The following SCGB2B2 variants were observed in gnomAD, a reference collection of about 807,000 sequenced individuals.
SCGB2B2 encodes the protein secretoglobin-like protein.
Under a neutral mutation model 7.6 loss-of-function variants are expected in SCGB2B2, and 11 were observed. The ratio of observed to expected loss-of-function variants is 1.45; its 90% CI spans 0.91 to 2.40. The LOEUF (loss-of-function observed/expected upper bound fraction) is 2.40, where lower values mean the gene tolerates loss of function less well. Among genes scored for constraint, SCGB2B2 ranks in the 30% most tolerant of loss-of-function variants. The pLI, the probability that SCGB2B2 is intolerant of heterozygous loss-of-function variation, is 0.00. For missense variants in SCGB2B2, 104 were observed against 115.4 expected (o/e 0.90, Z 0.45); for synonymous variants, 50 against 48.6 (o/e 1.03, Z -0.12).
chr19:34,657,862 C>T (rs1220977769), intron 1 of SCGB2B2, among the ~76,000 whole-genome samples: 1 of 152,184 alleles, frequency 6.6e-6, no homozygotes, highest in Non-Finnish European at 1.5e-5. Flanking sequence ...CACTCCTCAG[C>T]AAAGGTAAAA....
chr19:34,621,120 A>T (rs1216506348), intron 1 of SCGB2B2, among the ~76,000 whole-genome samples: 1 of 152,222 alleles, frequency 6.6e-6, no homozygotes, highest in East Asian at 1.9e-4. Context: ...CCTTCAAAAA[A>T]TATTTTATCT....
chr19:34,610,782 T>TTTC (rs58354521), intron 1 of SCGB2B2, among the ~76,000 whole-genome samples: 1 of 151,448 alleles, frequency 6.6e-6, no homozygotes, highest in Non-Finnish European at 1.5e-5. Context: ...TTTTTTTTTT[T>TTTC]CTGTATGCGT....
intron 1 of SCGB2B2, among the ~76,000 whole-genome samples, chr19:34,664,937 T>G (rs985809506): frequency 2.0e-5 from 3 of 146,884 alleles, no homozygotes; most frequent in Non-Finnish European, 3.0e-5. Flanking sequence ...ATCCTGCAAA[T>G]GCCCTGACCC....
rs904009489 is a variant in SCGB2B2, at chr19:34,592,649, G to C, written c.*906C>G. On this transcript the variant is annotated 3_prime_UTR_variant, in exon 4 of 4. Coordinates refer to ENST00000601241, the MANE Select transcript of SCGB2B2 (RefSeq NM_001025591.4). Reference sequence around the variant, plus strand: ...TCATCAGTGTATTGAAGGCCACTGAGACCTCCATCGAGGATGAAATCAACT... The same window carrying C: ...TCATCAGTGTATTGAAGGCCACTGACACCTCCATCGAGGATGAAATCAACT... Among the ~76,000 whole-genome samples, 1 of 152,178 alleles carries C rather than the reference G, an allele frequency of 6.6e-6. No individual in the cohort carries two copies. Among genetic ancestry groups the C allele is most frequent in the Non-Finnish European group, 1.5e-5 (1 of 68,022 alleles).
At chr19:34,621,508 C>A (rs1484822655) in intron 1 of SCGB2B2, among the ~76,000 whole-genome samples, 1 of 149,668 alleles carries the variant, frequency 6.7e-6, no homozygotes, top group Non-Finnish European at 1.5e-5. Flanking sequence ...TTCATACATG[C>A]ACTGACTGGC....
intron 1 of SCGB2B2, among the ~76,000 whole-genome samples, chr19:34,667,165 C>A (rs534910051): frequency 1.3e-5 from 2 of 152,240 alleles, no homozygotes; most frequent in African/African-American, 4.8e-5. Flanking sequence ...CACTTCCCCA[C>A]CTCTCACCAA....
rs574373736 is a variant in SCGB2B2 at position 34,593,402 on chromosome 19, G to A, written c.*153C>T. The A allele has an allele frequency of 4.8e-4, 289 of 606,680 alleles. No individual in the cohort carries two copies. The highest frequency in any genetic ancestry group is 7.8e-4 in the Non-Finnish European group (265 of 339,868). 37.6% of individuals were successfully genotyped at this position (606,680 alleles called of 1,614,324 possible). A position where few individuals can be genotyped will look rare whatever the true frequency, so the allele number is the denominator to read the frequency against. On this transcript the variant is annotated 3_prime_UTR_variant, in exon 4 of 4. Coordinates refer to ENST00000601241, the MANE Select transcript of SCGB2B2 (RefSeq NM_001025591.4). ...GACCCTGGTCACACTCTGCATATGC[G>A]GTCACAGCCAACCCCACACAGATGC... is the stretch of plus-strand genomic sequence containing the variant.
intron 3 of SCGB2B2, 71 bp downstream of exon 3, chr19:34,594,104 C>T: frequency 8.1e-7 from 1 of 1,240,016 alleles, no homozygotes; most frequent in Non-Finnish European, 1.2e-6. Context: ...GGATGGAAGG[C>T]AAGTGCAGGG....
intron 1 of SCGB2B2, among the ~76,000 whole-genome samples, chr19:34,668,005 T>C (rs978415870): frequency 1.3e-5 from 2 of 152,144 alleles, no homozygotes; most frequent in African/African-American, 4.8e-5. Context: ...AACACCCACA[T>C]ATGTAGTGAG....
Position 34,656,517 on chromosome 19 carries a change from C to T in SCGB2B2, c.-2032+19113G>A, listed in dbSNP as rs369947567. Among the ~76,000 whole-genome samples, 8 of 151,232 alleles carry T rather than the reference C, an allele frequency of 5.3e-5. No individual in the cohort carries two copies. In the South Asian group the frequency reaches 1.0e-3, roughly 20 times the overall value. ...ACTCGGGAGGCTGAGGTGGGAGGAT[C>T]GCTTAAGCCCAGGAGGATGAGGCTG... On this transcript the variant is annotated intron_variant, in intron 1 of 3. Coordinates refer to ENST00000601241, the MANE Select transcript of SCGB2B2 (RefSeq NM_001025591.4).
chr19:34,631,321 A>ATT (rs11447671), intron 1 of SCGB2B2, among the ~76,000 whole-genome samples: 4,112 of 146,422 alleles, frequency 0.028, 197 homozygotes, highest in African/African-American at 0.095. Flanking sequence ...TTTTTTTACA[A>ATT]TTTTTTTTTT....
chr19:34,594,305 G>A lies in SCGB2B2; in HGVS notation c.116C>T (p.Ser39Phe), dbSNP rs2065381541. 6.2e-7 allele frequency: 1 copy of A among 1,614,160 alleles called. No homozygotes were observed. Among genetic ancestry groups the A allele is most frequent in the South Asian group, 1.1e-5 (1 of 91,082 alleles). Residue 39 changes from serine (S) to phenylalanine (F), a missense_variant, in exon 3 of 4, where the codon TCC becomes TTC. By Grantham distance (155) the Ser-to-Phe change is radical. Transcript: ENST00000601241. Reference protein sequence around the residue: ...KLLANVVFDVSQDLLKEELAR... With the variant: ...KLLANVVFDVFQDLLKEELAR... Reference sequence around the variant, plus strand: ...AAGCTCCTCCTTCAGGAGGTCTTGGGACACATCAAACACAACATTCGCAAG... The same window carrying A: ...AAGCTCCTCCTTCAGGAGGTCTTGGAACACATCAAACACAACATTCGCAAG...
chr19:34,660,414 C>A (rs984748331), intron 1 of SCGB2B2, among the ~76,000 whole-genome samples: 1 of 152,150 alleles, frequency 6.6e-6, no homozygotes, highest in Non-Finnish European at 1.5e-5. Flanking sequence ...CCAGAATCTA[C>A]AAAGAACTTA....
chr19:34,643,443 G>C (rs781293266), intron 1 of SCGB2B2, among the ~76,000 whole-genome samples: 6 of 152,182 alleles, frequency 3.9e-5, no homozygotes, highest in African/African-American at 7.2e-5. Flanking sequence ...GAGATGAAGA[G>C]AGGGAGGTTA....
At chr19:34,621,008 A>C (rs1286137458) in intron 1 of SCGB2B2, among the ~76,000 whole-genome samples, 1 of 152,214 alleles carries the variant, frequency 6.6e-6, no homozygotes, top group African/African-American at 2.4e-5. Flanking sequence ...TATGCAAAAA[A>C]AAGAGAATGT....
intron 1 of SCGB2B2, among the ~76,000 whole-genome samples, chr19:34,626,580 C>G (rs925371949): frequency 4.6e-5 from 7 of 152,160 alleles, no homozygotes; most frequent in Non-Finnish European, 1.0e-4. Flanking sequence ...AAGAAACGAA[C>G]AAAGCCTCCA....
Position 34,643,862 on chromosome 19 carries a change from C to T in SCGB2B2, c.-2032+31768G>A, listed in dbSNP as rs79363082. Among the ~76,000 whole-genome samples, 443 of 149,690 alleles carry T rather than the reference C, an allele frequency of 3.0e-3. 12 individuals carry two copies. In the East Asian group the frequency reaches 0.079, roughly 27 times the overall value. ...AACACCTGATGAAGATAAAGATGGA[C>T]AATGTGAGGTCTAAATATCCACAAG... is the stretch of plus-strand genomic sequence containing the variant. On this transcript the variant is annotated intron_variant, in intron 1 of 3. Transcript: ENST00000601241.
intron 1 of SCGB2B2, among the ~76,000 whole-genome samples, chr19:34,671,201 C>G (rs1339199204): frequency 2.6e-5 from 4 of 152,230 alleles, no homozygotes; most frequent in Non-Finnish European, 5.9e-5. Flanking sequence ...GGCTGAGCTA[C>G]TGCAGCTGGC....
At chr19:34,614,304 T>C (rs913444915) in intron 1 of SCGB2B2, among the ~76,000 whole-genome samples, 5 of 152,108 alleles carry the variant, frequency 3.3e-5, no homozygotes, top group Admixed American at 2.6e-4. Context: ...TGTTTTTCAC[T>C]CTTATATCTT....
Sources: gnomAD v4.1 joint callset for allele counts (sites outside exome capture counted in the v4.1 genomes callset) on GRCh38, gnomAD v4.1.1 for gene constraint, MANE v1.5 for transcripts, NCBI Gene and HGNC (gene_info 2026-07-23, HGNC 2026-07-21) for gene names.